SESTD1: variants seen among roughly 807,000 people sequenced by gnomAD.
SESTD1 encodes the protein SEC14 domain and spectrin repeat-containing protein 1.
SESTD1 carries 43 observed loss-of-function variants against 101.7 expected under a neutral mutation model. That is an observed-to-expected ratio of 0.42 (90% CI 0.33 to 0.55). The LOEUF is 0.55. SESTD1 is among the 20% of genes least tolerant of loss of function. The pLI, the probability that SESTD1 is intolerant of heterozygous loss-of-function variation, is 0.07. For missense variants in SESTD1, 647 were observed against 815.1 expected (o/e 0.79, Z 2.51); for synonymous variants, 283 against 286.8 (o/e 0.99, Z 0.13).
intron 15 of SESTD1, among the ~76,000 whole-genome samples, chr2:179,116,360 T>C (rs754019903): frequency 1.3e-5 from 2 of 152,196 alleles, no homozygotes; most frequent in Non-Finnish European, 2.9e-5. Flanking sequence ...TGAGGTTTCT[T>C]ATTTACTGAT....
intron 1 of SESTD1, among the ~76,000 whole-genome samples, chr2:179,203,733 G>A (rs139820484): frequency 1.5e-5 from 2 of 133,576 alleles, no homozygotes; most frequent in East Asian, 2.0e-4. Flanking sequence ...GGTAACCTGC[G>A]GACCCAATAC....
intron 1 of SESTD1, among the ~76,000 whole-genome samples, chr2:179,217,780 C>T (rs1038564596): frequency 2.0e-5 from 3 of 152,132 alleles, no homozygotes; most frequent in Non-Finnish European, 4.4e-5. Flanking sequence ...CACATATACA[C>T]CATGGAATAC....
At chr2:179,191,568 CCT>C (rs1364619135) in intron 2 of SESTD1, among the ~76,000 whole-genome samples, 2 of 151,954 alleles carry the variant, frequency 1.3e-5, no homozygotes, top group Non-Finnish European at 2.9e-5. Flanking sequence ...ACATGTACCC[CCT>C]GAATCTAAAA....
At chr2:179,216,222 G>A (rs2046717753) in intron 1 of SESTD1, among the ~76,000 whole-genome samples, 1 of 135,030 alleles carries the variant, frequency 7.4e-6, no homozygotes, top group Admixed American at 7.2e-5. Flanking sequence ...TGACATGATT[G>A]TGTATTTAGA....
At chr2:179,198,223 T>C (rs1163028010) in intron 1 of SESTD1, among the ~76,000 whole-genome samples, 3 of 152,316 alleles carry the variant, frequency 2.0e-5, no homozygotes, top group African/African-American at 7.2e-5. Flanking sequence ...CATTACATAA[T>C]GGTAAAGGGA....
intron 10 of SESTD1, among the ~76,000 whole-genome samples, chr2:179,128,706 C>T (rs1193659578): frequency 3.7e-5 from 5 of 135,292 alleles, no homozygotes; most frequent in South Asian, 2.2e-4. Context: ...TCCAGGCTGG[C>T]GAGAGAGCTA....
chr2:179,249,379 A>G (rs1234075024), intron 1 of SESTD1, among the ~76,000 whole-genome samples: 1 of 152,168 alleles, frequency 6.6e-6, no homozygotes, highest in East Asian at 1.9e-4. Context: ...AGCAACGAAC[A>G]TATGAACAAT....
At chr2:179,127,376 A>G (rs749478698) in intron 10 of SESTD1, among the ~76,000 whole-genome samples, 5 of 152,274 alleles carry the variant, frequency 3.3e-5, no homozygotes, top group Non-Finnish European at 7.3e-5. Flanking sequence ...TGTAAATTCC[A>G]TATAGTAAGA....
chr2:179,160,415 C>T (rs1022519713), intron 5 of SESTD1, among the ~76,000 whole-genome samples: 1 of 151,526 alleles, frequency 6.6e-6, no homozygotes, highest in African/African-American at 2.4e-5. Flanking sequence ...GAAATAACAC[C>T]GTGAATTAGA....
chr2:179,147,482 C>A (rs1044006779), intron 7 of SESTD1, among the ~76,000 whole-genome samples: 2 of 151,960 alleles, frequency 1.3e-5, no homozygotes, highest in African/African-American at 4.8e-5. Context: ...CTGCCTCAGC[C>A]CCCTGAGTAG....
At chr2:179,121,070 G>A (rs2044738725) in intron 13 of SESTD1, among the ~76,000 whole-genome samples, 1 of 152,142 alleles carries the variant, frequency 6.6e-6, no homozygotes, top group African/African-American at 2.4e-5. Flanking sequence ...AAGTAAGTTT[G>A]CAGATATGAG....
chr2:179,173,972 C>T (rs1241192581), intron 4 of SESTD1, among the ~76,000 whole-genome samples: 2 of 152,130 alleles, frequency 1.3e-5, no homozygotes, highest in African/African-American at 2.4e-5. Flanking sequence ...TAAACATGCA[C>T]ACATCATAAA....
chr2:179,249,172 C>T (rs1478326384), intron 1 of SESTD1, among the ~76,000 whole-genome samples: 1 of 130,280 alleles, frequency 7.7e-6, no homozygotes, highest in Non-Finnish European at 1.6e-5. Flanking sequence ...AAGTTCTAAT[C>T]AGTGCAATAA....
intron 2 of SESTD1, among the ~76,000 whole-genome samples, chr2:179,190,735 A>C (rs1428808390): frequency 6.6e-6 from 1 of 152,250 alleles, no homozygotes; most frequent in Non-Finnish European, 1.5e-5. Flanking sequence ...GGACATGAAC[A>C]GACATTTCTC....
intron 17 of SESTD1, 130 bp from the exon 18 acceptor site, chr2:179,110,158 C>T (rs3816345): frequency 0.094 from 78,202 of 833,934 alleles, 5,692 homozygotes; most frequent in African/African-American, 0.33. Context: ...ATCAGTTCAT[C>T]GGTGATCATA....
At chr2:179,180,008 C>G (rs1575464968) in intron 3 of SESTD1, among the ~76,000 whole-genome samples, 1 of 151,244 alleles carries the variant, frequency 6.6e-6, no homozygotes, top group African/African-American at 2.5e-5. Flanking sequence ...AAAATATCTT[C>G]TTATTTTGTA....
chr2:179,139,901 T>C (rs905230833), intron 9 of SESTD1, among the ~76,000 whole-genome samples: 1 of 152,186 alleles, frequency 6.6e-6, no homozygotes, highest in African/African-American at 2.4e-5. Flanking sequence ...TGCCCTGCAA[T>C]AATTAACTTT....
intron 1 of SESTD1, among the ~76,000 whole-genome samples, chr2:179,209,073 T>C (rs931650543): frequency 7.4e-6 from 1 of 134,482 alleles, no homozygotes; most frequent in African/African-American, 2.9e-5. Context: ...AGGCGTGGCG[T>C]AGCTATTCTT....
intron 10 of SESTD1, among the ~76,000 whole-genome samples, chr2:179,128,336 C>T (rs1047343320): frequency 5.3e-5 from 8 of 152,038 alleles, no homozygotes; most frequent in African/African-American, 1.9e-4. Context: ...ATTGAGGTTG[C>T]CATAAAGAAA....
Sources: allele counts gnomAD v4.1 joint callset (sites outside exome capture counted in the v4.1 genomes callset), GRCh38; gene constraint gnomAD v4.1.1; transcripts MANE v1.5; gene names NCBI Gene and HGNC (gene_info 2026-07-23, HGNC 2026-07-21).